DAB1: variants seen among roughly 807,000 people sequenced by gnomAD.
The protein encoded by DAB1 is DAB adaptor protein 1.
A neutral mutation model predicts 64.6 loss-of-function variants in DAB1; 15 were observed. That is an observed-to-expected ratio of 0.23 (90% CI 0.16 to 0.36). The LOEUF (loss-of-function observed/expected upper bound fraction) is 0.36, where lower values mean the gene tolerates loss of function less well. DAB1 is among the 10% of genes least tolerant of loss of function. The pLI, the probability that DAB1 is intolerant of heterozygous loss-of-function variation, is 1.00. For synonymous variants in DAB1, 235 were observed against 251.9 expected (o/e 0.93, Z 0.64); for missense variants, 596 against 706.7 (o/e 0.84, Z 1.78).
chr1:58,404,160 G>A (rs776313507), intron 3 of DAB1, among the ~76,000 whole-genome samples: 5 of 152,126 alleles, frequency 3.3e-5, no homozygotes, highest in Admixed American at 6.6e-5. Flanking sequence ...CATGTCACTG[G>A]CACTGAGCAA....
At chr1:58,078,293 G>A (rs1294945194) in intron 5 of DAB1, among the ~76,000 whole-genome samples, 1 of 152,212 alleles carries the variant, frequency 6.6e-6, no homozygotes, top group African/African-American at 2.4e-5. Flanking sequence ...AGAATTCTTT[G>A]ATTAATTAGC....
intron 5 of DAB1, among the ~76,000 whole-genome samples, chr1:58,102,025 C>G (rs1651350779): frequency 1.3e-5 from 2 of 152,222 alleles, no homozygotes; most frequent in Non-Finnish European, 2.9e-5. Context: ...GGTATTAACT[C>G]GGTGCTTACC....
chr1:57,112,241 T>C lies in DAB1; in HGVS notation c.306+24302A>G, dbSNP rs1478235339. ...AGCATAGAATAGCTGCAAGGCCCTG[T>C]GTTCAGACTGACAGCCAAAGACATA... On this transcript the variant is annotated intron_variant, in intron 4 of 14. Transcript: ENST00000371236. Among the ~76,000 whole-genome samples the C allele has an allele frequency of 3.3e-5, 5 of 152,184 alleles. No individual in the cohort carries two copies. In the East Asian group the frequency reaches 9.6e-4, roughly 29 times the overall value.
chr1:58,266,038 CCCACCA>C (rs6143228), intron 4 of DAB1, among the ~76,000 whole-genome samples: 11 of 150,194 alleles, frequency 7.3e-5, no homozygotes, highest in South Asian at 6.3e-4. Flanking sequence ...ACACATACAC[CCCACCA>C]CCACCACCAC....
intron 5 of DAB1, among the ~76,000 whole-genome samples, chr1:57,957,635 G>A (rs975579183): frequency 6.6e-6 from 1 of 152,158 alleles, no homozygotes; most frequent in Non-Finnish European, 1.5e-5. Flanking sequence ...AGTGAGAAAA[G>A]CAGAATCCTG....
chr1:58,276,234 C>CAT (rs1661439815), intron 4 of DAB1, among the ~76,000 whole-genome samples: 1 of 152,008 alleles, frequency 6.6e-6, no homozygotes, highest in Non-Finnish European at 1.5e-5. Flanking sequence ...GAATTGAGTG[C>CAT]ATGACAATGT....
intron 3 of DAB1, among the ~76,000 whole-genome samples, chr1:58,477,418 G>C (rs1038729885): frequency 6.6e-6 from 1 of 152,000 alleles, no homozygotes; most frequent in African/African-American, 2.4e-5. Flanking sequence ...TTCTAGTTCT[G>C]CCACTTACTT....
chr1:58,129,011 G>A (rs1448612813), intron 5 of DAB1, among the ~76,000 whole-genome samples: 2 of 136,088 alleles, frequency 1.5e-5, no homozygotes, highest in Admixed American at 7.3e-5. Flanking sequence ...TCTATTGATT[G>A]GAATAGTTTC....
At chr1:58,502,483 T>C (rs1247014337) in intron 3 of DAB1, among the ~76,000 whole-genome samples, 2 of 152,244 alleles carry the variant, frequency 1.3e-5, no homozygotes, top group Non-Finnish European at 2.9e-5. Flanking sequence ...GATTTGTCTG[T>C]GCTCTCTAGT....
chr1:57,762,767 C>T (rs954606949), intron 6 of DAB1, among the ~76,000 whole-genome samples: 1 of 152,178 alleles, frequency 6.6e-6, no homozygotes, highest in African/African-American at 2.4e-5. Context: ...TGGGAAACCA[C>T]GACCTTCTCT....
intron 5 of DAB1, among the ~76,000 whole-genome samples, chr1:58,062,770 AG>A (rs1230269582): frequency 6.6e-6 from 1 of 152,194 alleles, no homozygotes; most frequent in Non-Finnish European, 1.5e-5. Context: ...TGAGATGAGT[AG>A]ATACTACACA....
At chr1:57,179,013 G>T (rs936003675) in intron 2 of DAB1, among the ~76,000 whole-genome samples, 1 of 152,144 alleles carries the variant, frequency 6.6e-6, no homozygotes, top group African/African-American at 2.4e-5. Context: ...GAAGTAAAAT[G>T]TATTTATTTG....
At chr1:58,526,061 T>C (rs1261188181) in intron 2 of DAB1, among the ~76,000 whole-genome samples, 10 of 152,074 alleles carry the variant, frequency 6.6e-5, no homozygotes, top group Admixed American at 5.2e-4. Flanking sequence ...TAAAGTTTAT[T>C]AGAAATAAAG....
chr1:57,229,951 A>G (rs991020485), intron 2 of DAB1, among the ~76,000 whole-genome samples: 2 of 152,218 alleles, frequency 1.3e-5, no homozygotes, highest in Non-Finnish European at 2.9e-5. Context: ...GATACTGGCT[A>G]CTGTTGAAGA....
At chr1:57,069,279 C>T (rs896520890) in intron 8 of DAB1, 81 bp downstream of exon 8, 6 of 1,185,542 alleles carry the variant, frequency 5.1e-6, no homozygotes, top group Non-Finnish European at 7.6e-6. Flanking sequence ...ACCAACAGAA[C>T]CCTTGGTTCT....
At chr1:57,902,765 C>T (rs531159086) in intron 5 of DAB1, among the ~76,000 whole-genome samples, 2 of 152,232 alleles carry the variant, frequency 1.3e-5, no homozygotes, top group Admixed American at 1.3e-4. Flanking sequence ...TACCTTTTCC[C>T]TGTGTAATCC....
rs1570784524 is a variant in DAB1 at position 57,740,536 on chromosome 1, G to C, written n.552-90871C>G. On this transcript the variant is annotated intron_variant and non_coding_transcript_variant, in intron 6 of 20. Transcript: ENST00000485760. ...TGTCCAGTTCAGTGAACACTTATGT[G>C]GAAGTATTACATAATGGTTAGGAGC... Among the ~76,000 whole-genome samples, 6 of 152,300 alleles carry C rather than the reference G, an allele frequency of 3.9e-5. 2 individuals carry two copies. Among genetic ancestry groups the C allele is most frequent in the Admixed American group, 3.9e-4 (6 of 15,304 alleles).
intron 6 of DAB1, among the ~76,000 whole-genome samples, chr1:57,758,075 C>A (rs1415975866): frequency 6.6e-6 from 1 of 152,172 alleles, no homozygotes; most frequent in African/African-American, 2.4e-5. Flanking sequence ...CCTCAGCCTC[C>A]AGACTCAGTT....
intron 7 of DAB1, among the ~76,000 whole-genome samples, chr1:57,596,644 C>T (rs1038057357): frequency 6.6e-6 from 1 of 151,892 alleles, no homozygotes; most frequent in Non-Finnish European, 1.5e-5. Flanking sequence ...CAGTGCCTCA[C>T]CTAGAGCAAG....
Sources: gnomAD v4.1 joint callset for allele counts (sites outside exome capture counted in the v4.1 genomes callset) on GRCh38, gnomAD v4.1.1 for gene constraint, MANE v1.5 for transcripts, NCBI Gene and HGNC (gene_info 2026-07-23, HGNC 2026-07-21) for gene names.